KCNK17: variants seen among roughly 807,000 people sequenced by gnomAD.
The protein encoded by KCNK17 is potassium channel subfamily K member 17.
A neutral mutation model predicts 24.6 loss-of-function variants in KCNK17; 27 were observed. The ratio of observed to expected loss-of-function variants is 1.10; its 90% CI spans 0.81 to 1.51. The LOEUF is 1.51. Among genes scored for constraint, KCNK17 ranks in the 40% most tolerant of loss-of-function variants. The pLI is 0.00. For synonymous variants in KCNK17, 181 were observed against 189.8 expected (o/e 0.95, Z 0.38); for missense variants, 450 against 436.6 (o/e 1.03, Z -0.27).
At chr6:39,300,479 G>A in intron 4 of KCNK17, 1 of 1,550,784 alleles carries the variant, frequency 6.4e-7, no homozygotes, top group South Asian at 1.2e-5. Context: ...TCTAGTGTTT[G>A]CCAGTCTCTG....
At chr6:39,314,055 C>G (rs748326556) in intron 1 of KCNK17, 29 bp downstream of exon 1, 4 of 1,517,926 alleles carry the variant, frequency 2.6e-6, no homozygotes, top group Middle Eastern at 1.7e-4. Flanking sequence ...CATCCCGCCG[C>G]GCCCAGGCCG....
intron 2 of KCNK17, among the ~76,000 whole-genome samples, chr6:39,307,629 T>C (rs1762058724): frequency 6.6e-6 from 1 of 152,130 alleles, no homozygotes; most frequent in African/African-American, 2.4e-5. Context: ...AAATGGGTTT[T>C]TTTCCTCCCC....
At chr6:39,306,144 A>G (rs1762033582) in intron 2 of KCNK17, among the ~76,000 whole-genome samples, 1 of 151,912 alleles carries the variant, frequency 6.6e-6, no homozygotes, top group African/African-American at 2.4e-5. Context: ...CCTGGGTTCA[A>G]GCTATTCTCC....
At chr6:39,308,908 A>G (rs951027684) in intron 2 of KCNK17, among the ~76,000 whole-genome samples, 6 of 152,202 alleles carry the variant, frequency 3.9e-5, no homozygotes, top group African/African-American at 1.4e-4. Flanking sequence ...AGGTGTGGTC[A>G]GCATCACAGA....
chr6:39,300,362 A>T, intron 4 of KCNK17: 1 of 873,314 alleles, frequency 1.1e-6, no homozygotes, highest in Non-Finnish European at 1.9e-6. Context: ...GAGCTCAGGC[A>T]ATCCACCTAC....
intron 4 of KCNK17, among the ~76,000 whole-genome samples, chr6:39,301,056 T>C (rs1458702444): frequency 4.6e-5 from 7 of 152,206 alleles, no homozygotes; most frequent in Non-Finnish European, 2.9e-5. Context: ...GCCTGGTACA[T>C]AACAGGTGCC....
chr6:39,304,331 G>A, intron 3 of KCNK17, 164 bp downstream of exon 3: 1 of 777,066 alleles, frequency 1.3e-6, no homozygotes, highest in Non-Finnish European at 2.1e-6. Flanking sequence ...CACCATTAAT[G>A]CCCTTTTTCA....
chr6:39,310,879 C>CCA lies in KCNK17; in HGVS notation c.352+13_352+14insTG. The CCA allele has an allele frequency of 6.5e-6, 10 of 1,541,700 alleles. No individual in the cohort carries two copies. Among genetic ancestry groups the CCA allele is most frequent in the African/African-American group, 2.7e-5 (2 of 73,272 alleles). On this transcript the variant is annotated intron_variant, in intron 2 of 4. Coordinates refer to ENST00000373231, the MANE Select transcript of KCNK17 (RefSeq NM_031460.4). ...TCCCCCACCCCCATCCCCCTGGCCC[C>CCA]ATCTGGCCCTTACCAATGGTGGTGA...
intron 2 of KCNK17, among the ~76,000 whole-genome samples, chr6:39,309,709 T>G (rs1166530670): frequency 1.3e-5 from 2 of 152,150 alleles, no homozygotes; most frequent in Non-Finnish European, 2.9e-5. Flanking sequence ...TGTTTTAAGA[T>G]CTCCTGCTAC....
intron 1 of KCNK17, 108 bp from the exon 2 acceptor site, chr6:39,311,115 CACACA>C: frequency 2.0e-6 from 1 of 510,360 alleles, no homozygotes. Flanking sequence ...CACACACACA[CACACA>C]AACAAACCTA....
In KCNK17 at chr6:39,311,039, C is replaced by T. The variant is rs775034763; in HGVS notation, c.238-32G>A. The T allele has an allele frequency of 2.9e-6, 4 of 1,386,858 alleles. No individual in the cohort carries two copies. In the African/African-American group the frequency reaches 4.3e-5, roughly 15 times the overall value. The allele number at this position is 1,386,858 out of a possible 1,614,324, so 85.9% of individuals were successfully genotyped here. On this transcript the variant is annotated intron_variant, in intron 1 of 4. Transcript: ENST00000373231. ...AAGAGGCTGCAATGACCACCAGGCTCTGTGGGGTGATGGATTTCCTGTACC... is the reference window on the plus strand; with the variant it reads ...AAGAGGCTGCAATGACCACCAGGCTTTGTGGGGTGATGGATTTCCTGTACC...
chr6:39,304,572 C>T lies in KCNK17; in HGVS notation c.436G>A (p.Val146Met), dbSNP rs866084751. The stretch of plus-strand genomic sequence containing the variant: ...AGATGCCCCAGTCGGTTGAGCACCA[C>T]GAGGTTGAGTGGGATCCCCACAAGG... ...FALVGIPLNLVVLNRLGHLMQ... is the reference protein window; with the variant it reads ...FALVGIPLNLMVLNRLGHLMQ... Residue 146 changes from valine (V) to methionine (M), a missense_variant, in exon 3 of 5, where the codon GTG (valine) becomes ATG (methionine). Coordinates refer to ENST00000373231, the MANE Select transcript of KCNK17 (RefSeq NM_031460.4). 9.3e-6 allele frequency: 15 copies of T among 1,614,000 alleles called. No individual in the cohort carries two copies. Among genetic ancestry groups the T allele is most frequent in the African/African-American group, 6.7e-5 (5 of 74,922 alleles).
chr6:39,303,734 G>A lies in KCNK17; in HGVS notation c.688+223C>T, dbSNP rs1078912. Among the ~76,000 whole-genome samples the A allele has an allele frequency of 1.1e-3, 161 of 152,318 alleles. 1 individual carries two copies. The highest frequency in any genetic ancestry group is 3.7e-3 in the African/African-American group (155 of 41,562). On this transcript the variant is annotated intron_variant, in intron 4 of 4. Coordinates refer to ENST00000373231, the MANE Select transcript of KCNK17 (RefSeq NM_031460.4). ...ATGTGGAGAGCTCTAAGCACAATAG[G>A]TGGGCCCGCGGACGTGTTGGACCTC... is the stretch of plus-strand genomic sequence containing the variant.
intron 4 of KCNK17, among the ~76,000 whole-genome samples, chr6:39,303,399 G>A (rs1385421642): frequency 6.6e-6 from 1 of 152,230 alleles, no homozygotes; most frequent in African/African-American, 2.4e-5. Flanking sequence ...ATTATGCAAG[G>A]CTGGTGGCTT....
intron 4 of KCNK17, chr6:39,300,661 G>A (rs1583763195): frequency 1.2e-6 from 1 of 822,764 alleles, no homozygotes; most frequent in East Asian, 2.8e-5. Flanking sequence ...TTAGGATGAA[G>A]TCCAAATCCT....
rs1761989019 is a variant in KCNK17, at chr6:39,303,994, G to A, written c.651C>T (p.Ile217=). Residue 217 remains isoleucine, a synonymous_variant, in exon 4 of 5, where the codon ATC becomes ATT. Coordinates refer to ENST00000373231, the MANE Select transcript of KCNK17 (RefSeq NM_031460.4). ...SYTEGFYFAF[I]TLSTVGFGDY... ...CGCCGAAGCCCACGGTGCTGAGGGT[G>A]ATGAAGGCGAAGTAGAAGCCCTCTG... 1 of 1,613,798 alleles carries A rather than the reference G, an allele frequency of 6.2e-7. No homozygotes were observed. The highest frequency in any genetic ancestry group is 1.6e-4 in the Middle Eastern group (1 of 6,062).
Position 39,305,321 on chromosome 6 carries a change from C to T in KCNK17, c.353-666G>A, listed in dbSNP as rs537991168. On this transcript the variant is annotated intron_variant, in intron 2 of 4. Coordinates refer to ENST00000373231, the MANE Select transcript of KCNK17 (RefSeq NM_031460.4). ...AGGCTTTTGACATTAATTCCTGCTC[C>T]TTCTCTTTTATCCTTCAAAGGCTCC... Among the ~76,000 whole-genome samples, 3 of 152,362 alleles carry T rather than the reference C, an allele frequency of 2.0e-5. No individual in the cohort carries two copies. The South Asian group carries it at 6.2e-4, about 32-fold the overall frequency.
At chr6:39,310,349 T>C (rs1162213858) in intron 2 of KCNK17, among the ~76,000 whole-genome samples, 1 of 152,010 alleles carries the variant, frequency 6.6e-6, no homozygotes, top group African/African-American at 2.4e-5. Context: ...TGGAGGGGGC[T>C]GTTTGCAAGC....
chr6:39,300,795 C>T (rs1033099267), intron 4 of KCNK17, among the ~76,000 whole-genome samples: 13 of 152,246 alleles, frequency 8.5e-5, no homozygotes, highest in South Asian at 2.1e-4. Context: ...TATGGCCTCT[C>T]GGCTCCAAAT....
Sources: allele counts gnomAD v4.1 joint callset (sites outside exome capture counted in the v4.1 genomes callset), GRCh38; gene constraint gnomAD v4.1.1; transcripts MANE v1.5; gene names NCBI Gene and HGNC (gene_info 2026-07-23, HGNC 2026-07-21).